FGF14: variants seen among roughly 807,000 people sequenced by gnomAD.
FGF14 encodes fibroblast growth factor homologous factor 4.
A neutral mutation model predicts 25.5 loss-of-function variants in FGF14; 5 were observed. The observed-to-expected ratio is 0.20, with a 90% CI of 0.10 to 0.41. The LOEUF is 0.41. FGF14 is among the 10% of genes least tolerant of loss of function. FGF14 has a pLI of 1.00. For synonymous variants in FGF14, 138 were observed against 118.3 expected (o/e 1.17, Z -1.08); for missense variants, 222 against 320.1 (o/e 0.69, Z 2.34).
At chr13:102,038,967 G>A (rs2041604824) in intron 1 of FGF14, among the ~76,000 whole-genome samples, 1 of 152,138 alleles carries the variant, frequency 6.6e-6, no homozygotes, top group Admixed American at 6.5e-5. Flanking sequence ...ACCAGGTGCT[G>A]TACTACTGGT....
At chr13:102,271,194 G>A (rs542860873) in intron 1 of FGF14, among the ~76,000 whole-genome samples, 5 of 152,206 alleles carry the variant, frequency 3.3e-5, no homozygotes, top group Admixed American at 3.3e-4. Context: ...GGTTAATTTG[G>A]TGTCTAGTGA....
intron 1 of FGF14, among the ~76,000 whole-genome samples, chr13:101,948,464 T>TAAA (rs34342496): frequency 2.3e-4 from 33 of 145,574 alleles, no homozygotes; most frequent in African/African-American, 6.4e-4. Flanking sequence ...TAAAGTATAA[T>TAAA]AAAAAAATAT....
chr13:101,849,632 T>C (rs1469330803), intron 3 of FGF14, among the ~76,000 whole-genome samples: 1 of 152,094 alleles, frequency 6.6e-6, no homozygotes, highest in Non-Finnish European at 1.5e-5. Flanking sequence ...GAAACATGAT[T>C]ATTAAACAAG....
chr13:102,180,673 C>T (rs925623662), intron 1 of FGF14, among the ~76,000 whole-genome samples: 11 of 152,044 alleles, frequency 7.2e-5, no homozygotes, highest in Admixed American at 2.0e-4. Context: ...TTTTCCTAAG[C>T]GAGAAGCCTA....
intron 1 of FGF14, 28 bp downstream of exon 1, chr13:101,916,425 G>T (rs1312075275): frequency 6.2e-7 from 1 of 1,612,244 alleles, no homozygotes; most frequent in Non-Finnish European, 8.5e-7. Context: ...GACCCGGGGC[G>T]CATCTCCCGA....
At chr13:102,350,480 G>A (rs184864099) in intron 1 of FGF14, among the ~76,000 whole-genome samples, 1 of 152,218 alleles carries the variant, frequency 6.6e-6, no homozygotes, top group East Asian at 1.9e-4. Context: ...CAGACGCCTT[G>A]TTATACTTCC....
chr13:101,965,466 A>C (rs753145230), intron 1 of FGF14, among the ~76,000 whole-genome samples: 1 of 152,142 alleles, frequency 6.6e-6, no homozygotes, highest in East Asian at 1.9e-4. Context: ...AATATAAAAA[A>C]AATTCTTATC....
intron 1 of FGF14, among the ~76,000 whole-genome samples, chr13:102,297,136 G>T (rs1190369782): frequency 1.3e-5 from 2 of 152,106 alleles, no homozygotes; most frequent in African/African-American, 4.8e-5. Flanking sequence ...ATGGGAAAAG[G>T]TGGCATTTTA....
chr13:102,054,139 AAT>A (rs2042331029), intron 1 of FGF14, among the ~76,000 whole-genome samples: 1 of 152,218 alleles, frequency 6.6e-6, no homozygotes, highest in African/African-American at 2.4e-5. Context: ...ACAGAAAACC[AAT>A]CTGTCATCAC....
chr13:101,854,157 C>T (rs73563212), intron 3 of FGF14, among the ~76,000 whole-genome samples: 4 of 152,014 alleles, frequency 2.6e-5, no homozygotes, highest in Non-Finnish European at 5.9e-5. Flanking sequence ...AAACTGTGTG[C>T]GTACAATTTA....
chr13:101,928,092 C>G (rs570448256), intron 1 of FGF14, among the ~76,000 whole-genome samples: 84 of 152,288 alleles, frequency 5.5e-4, no homozygotes, highest in African/African-American at 1.9e-3. Context: ...GCCCTGTGGG[C>G]AGAGGCTTGT....
exon 1 of FGF14, chr13:102,401,661 G>C (rs936576042): frequency 2.5e-6 from 4 of 1,613,762 alleles, no homozygotes; most frequent in Non-Finnish European, 3.4e-6. Context: ...TCCTGAAGAG[G>C]GGCACCGGTT....
chr13:102,000,845 T>G (rs1334037465), intron 1 of FGF14, among the ~76,000 whole-genome samples: 1 of 152,212 alleles, frequency 6.6e-6, no homozygotes, highest in Admixed American at 6.5e-5. Flanking sequence ...AAAATGCCAA[T>G]GGAAATGTCC....
intron 1 of FGF14, among the ~76,000 whole-genome samples, chr13:102,062,042 A>G (rs796134561): frequency 1.3e-5 from 2 of 152,362 alleles, no homozygotes; most frequent in African/African-American, 4.8e-5. Flanking sequence ...GCTTCACTCC[A>G]CAAGGTTTAT....
At chr13:101,802,306 G>T in intron 3 of FGF14, 1 of 212,066 alleles carries the variant, frequency 4.7e-6, no homozygotes, top group Non-Finnish European at 9.8e-6. Flanking sequence ...CTGAAAGAGA[G>T]GTATGAGAAG....
intron 1 of FGF14, among the ~76,000 whole-genome samples, chr13:102,345,337 A>G (rs749763972): frequency 2.6e-5 from 4 of 152,236 alleles, no homozygotes; most frequent in Non-Finnish European, 4.4e-5. Flanking sequence ...ACCTATTTCT[A>G]TAAAGCAAAT....
At chr13:102,351,077 C>A (rs921628961) in intron 1 of FGF14, among the ~76,000 whole-genome samples, 1 of 152,164 alleles carries the variant, frequency 6.6e-6, no homozygotes, top group Non-Finnish European at 1.5e-5. Flanking sequence ...CTTTCTCAGG[C>A]CTCGTGGAAA....
intron 1 of FGF14, among the ~76,000 whole-genome samples, chr13:102,004,523 C>T (rs2039676197): frequency 6.6e-6 from 1 of 152,176 alleles, no homozygotes; most frequent in African/African-American, 2.4e-5. Context: ...TAGTGATGCT[C>T]TCTCTCTATA....
intron 3 of FGF14, among the ~76,000 whole-genome samples, chr13:101,799,116 A>G (rs893088772): frequency 6.6e-6 from 1 of 152,126 alleles, no homozygotes; most frequent in African/African-American, 2.4e-5. Flanking sequence ...ATGAGTGTAC[A>G]CAATTGTTCA....
Sources: gnomAD v4.1 joint callset for allele counts (sites outside exome capture counted in the v4.1 genomes callset) on GRCh38, gnomAD v4.1.1 for gene constraint, MANE v1.5 for transcripts, NCBI Gene and HGNC (gene_info 2026-07-23, HGNC 2026-07-21) for gene names.